Variants in SEC22A observed in about 807,000 individuals in gnomAD.
SEC22A encodes the protein SEC22 homolog A, vesicle trafficking protein.
Under a neutral mutation model 35.3 loss-of-function variants are expected in SEC22A, and 22 were observed. That is an observed-to-expected ratio of 0.62 (90% CI 0.45 to 0.89). The LOEUF (loss-of-function observed/expected upper bound fraction) is 0.89, where lower values mean the gene tolerates loss of function less well. Among genes scored for constraint, SEC22A ranks in the 40% least tolerant of loss-of-function variants. The pLI is 0.00. For missense variants in SEC22A, 354 were observed against 362.5 expected, an observed-to-expected ratio of 0.98 and a Z score of 0.19; for synonymous variants, 119 against 129.5, an observed-to-expected ratio of 0.92 and a Z score of 0.55.
chr3:123,234,599 T>C (rs1237813872), intron 4 of SEC22A, among the ~76,000 whole-genome samples: 1 of 151,394 alleles, frequency 6.6e-6, no homozygotes, highest in Non-Finnish European at 1.5e-5. Context: ...AAAAAAAATA[T>C]ATAAATTAAT....
At chr3:123,232,182 G>A (rs188737787) in intron 4 of SEC22A, among the ~76,000 whole-genome samples, 24 of 152,330 alleles carry the variant, frequency 1.6e-4, no homozygotes, top group African/African-American at 5.8e-4. Flanking sequence ...GGAGGTTGCA[G>A]TGAGCTGAGA....
At chr3:123,268,674 A>G (rs1404259065) in intron 6 of SEC22A, among the ~76,000 whole-genome samples, 1 of 152,196 alleles carries the variant, frequency 6.6e-6, no homozygotes, top group Non-Finnish European at 1.5e-5. Context: ...CATAGCCAGG[A>G]CTTCATATCA....
intron 4 of SEC22A, among the ~76,000 whole-genome samples, chr3:123,225,570 A>G (rs1185234652): frequency 6.6e-6 from 1 of 152,186 alleles, no homozygotes; most frequent in Non-Finnish European, 1.5e-5. Flanking sequence ...TCATGGGTAC[A>G]TATTCGGTGT....
chr3:123,271,378 T>C lies in SEC22A; in HGVS notation c.724-144T>C, dbSNP rs74576735. Reference sequence around the variant, plus strand: ...CTTTCATAGCTGAATGTCTTAGATATATGCTACATTATCTTATCCCTAGAT... The same window carrying C: ...CTTTCATAGCTGAATGTCTTAGATACATGCTACATTATCTTATCCCTAGAT... On this transcript the variant is annotated intron_variant, in intron 6 of 6. Transcript: ENST00000492595. 927 of 638,192 alleles carry C rather than the reference T, an allele frequency of 1.5e-3. 18 individuals are homozygous for C. In the East Asian group the frequency reaches 0.025, roughly 17 times the overall value. 39.5% of individuals were successfully genotyped at this position (638,192 alleles called of 1,614,324 possible).
chr3:123,222,804 G>A (rs779158011), intron 2 of SEC22A, among the ~76,000 whole-genome samples: 9 of 152,096 alleles, frequency 5.9e-5, no homozygotes, highest in Non-Finnish European at 5.9e-5. Context: ...AACAATCCAT[G>A]GAAAGACATT....
chr3:123,235,348 A>C (rs536122165), intron 4 of SEC22A, among the ~76,000 whole-genome samples: 5 of 152,364 alleles, frequency 3.3e-5, no homozygotes, highest in Admixed American at 3.3e-4. Context: ...AAAAGACATA[A>C]TCCAGTTTAA....
At chr3:123,217,381 T>G (rs542939442) in intron 2 of SEC22A, among the ~76,000 whole-genome samples, 92 of 143,864 alleles carry the variant, frequency 6.4e-4, no homozygotes, top group African/African-American at 2.2e-3. Flanking sequence ...TTGTATTTTT[T>G]TATTTTTTTT....
At chr3:123,260,169 A>AAAAAAAAAAAAAAAAAAAAAAAC (rs1559763879) in intron 6 of SEC22A, among the ~76,000 whole-genome samples, 3 of 114,758 alleles carry the variant, frequency 2.6e-5, no homozygotes, top group African/African-American at 1.0e-4. Flanking sequence ...AAAAAAAAAA[A>AAAAAAAAAAAAAAAAAAAAAAAC]CTACTAGATT....
chr3:123,230,059 G>A (rs1235006117), intron 4 of SEC22A, among the ~76,000 whole-genome samples: 1 of 151,800 alleles, frequency 6.6e-6, no homozygotes, highest in Admixed American at 6.6e-5. Flanking sequence ...AAAGTGGGAG[G>A]ATCCCATGAG....
At chr3:123,245,598 C>A (rs9881982) in intron 4 of SEC22A, among the ~76,000 whole-genome samples, 29,784 of 151,852 alleles carry the variant, frequency 0.2, 3,030 homozygotes, top group Middle Eastern at 0.27. Context: ...AGTCGGGAAT[C>A]TGAGGCACGA....
At chr3:123,253,400 T>C (rs1380089288) in intron 5 of SEC22A, among the ~76,000 whole-genome samples, 1 of 152,176 alleles carries the variant, frequency 6.6e-6, no homozygotes, top group African/African-American at 2.4e-5. Flanking sequence ...CATAGACTTG[T>C]TGATGCCTTT....
Position 123,207,978 on chromosome 3 carries a change from C to T in SEC22A, c.-19-1221C>T, listed in dbSNP as rs184750149. 5.3e-5 allele frequency among the ~76,000 whole-genome samples: 8 copies of T among 152,214 alleles called. No individual in the cohort carries two copies. The East Asian group carries it at 1.5e-3, about 29-fold the overall frequency. ...ATATGTCTACTGTGAATATTGAGAA[C>T]ATTTAGGAAATTATAAAATAATAAT... is the stretch of plus-strand genomic sequence containing the variant. On this transcript the variant is annotated intron_variant, in intron 1 of 6. Coordinates refer to ENST00000492595, the MANE Select transcript of SEC22A (RefSeq NM_012430.5).
Position 123,225,232 on chromosome 3 carries a change from G to C in SEC22A, c.476G>C (p.Gly159Ala). Residue 159 changes from glycine to alanine, a missense_variant, in exon 4 of 7, where the codon GGG becomes GCG. By Grantham distance (60) the Gly-to-Ala change is moderately conservative. Transcript: ENST00000492595. ...TATCAAATTTCCATGTGCGAACTGG[G>C]GTCAGCCAATGGAGTCACATCAGCA... ...PPYQISMCEL[G>A]SANGVTSAFS... The C allele has an allele frequency of 2.5e-6, 4 of 1,613,634 alleles. No homozygotes were observed. The highest frequency in any genetic ancestry group is 3.4e-6 in the Non-Finnish European group (4 of 1,179,658).
chr3:123,216,336 C>A (rs1399044320), intron 2 of SEC22A, among the ~76,000 whole-genome samples: 1 of 152,146 alleles, frequency 6.6e-6, no homozygotes, highest in Non-Finnish European at 1.5e-5. Flanking sequence ...GGGAGATTAA[C>A]TCTGAAGAAA....
intron 2 of SEC22A, among the ~76,000 whole-genome samples, chr3:123,216,482 G>T (rs1388190001): frequency 6.6e-6 from 1 of 152,084 alleles, no homozygotes; most frequent in Non-Finnish European, 1.5e-5. Flanking sequence ...CCATCATCTG[G>T]CATATTTCAT....
chr3:123,256,424 T>C (rs1463856996), intron 5 of SEC22A, among the ~76,000 whole-genome samples: 1 of 143,270 alleles, frequency 7.0e-6, no homozygotes, highest in Admixed American at 6.9e-5. Flanking sequence ...CATTCAAACG[T>C]TGCCTAAACA....
At chr3:123,259,267 G>C (rs558056323) in intron 5 of SEC22A, among the ~76,000 whole-genome samples, 37 of 152,180 alleles carry the variant, frequency 2.4e-4, no homozygotes, top group African/African-American at 8.7e-4. Flanking sequence ...CTTTTCCCCA[G>C]TGGTTTTCCT....
chr3:123,270,279 T>G (rs1938129568), intron 6 of SEC22A, among the ~76,000 whole-genome samples: 1 of 145,492 alleles, frequency 6.9e-6, no homozygotes, highest in Admixed American at 6.9e-5. Flanking sequence ...ATGATGAAAA[T>G]CACTGATAAA....
At chr3:123,234,435 T>C (rs2108062497) in intron 4 of SEC22A, among the ~76,000 whole-genome samples, 1 of 152,246 alleles carries the variant, frequency 6.6e-6, no homozygotes, top group Middle Eastern at 3.4e-3. Flanking sequence ...CATAGATCAA[T>C]GGAGTAGAAT....
Sources: gnomAD v4.1 joint callset for allele counts (sites outside exome capture counted in the v4.1 genomes callset) on GRCh38, gnomAD v4.1.1 for gene constraint, MANE v1.5 for transcripts, NCBI Gene and HGNC (gene_info 2026-07-23, HGNC 2026-07-21) for gene names.